Variants in CNMD observed in about 807,000 individuals in gnomAD.
The protein encoded by CNMD is leukocyte cell-derived chemotaxin 1.
Under a neutral mutation model 37.5 loss-of-function variants are expected in CNMD, and 30 were observed. The ratio of observed to expected loss-of-function variants is 0.80; its 90% CI spans 0.60 to 1.09. The LOEUF (loss-of-function observed/expected upper bound fraction) is 1.09. Among genes scored for constraint, CNMD ranks in the 50% least tolerant of loss-of-function variants. The probability of loss-of-function intolerance (pLI) is 0.00; values close to 1 mark genes in which losing one functional copy is unlikely to be tolerated. For missense variants in CNMD, 398 were observed against 423.9 expected (o/e 0.94, Z 0.54); for synonymous variants, 167 against 148.2 (o/e 1.13, Z -0.92).
Position 52,710,841 on chromosome 13 carries a change from G to C in CNMD, c.622+1875C>G, listed in dbSNP as rs117430708. Among the ~76,000 whole-genome samples the C allele has an allele frequency of 1.6e-3, 245 of 152,174 alleles. 1 individual carries two copies. Among genetic ancestry groups the C allele is most frequent in the Non-Finnish European group, 1.7e-3 (116 of 68,012 alleles). ...ACTTAAAATGTGGTCACGCTATTGGGCTGGGAGGGAACAAGCCACATCTTG... is the reference window on the plus strand; with the variant it reads ...ACTTAAAATGTGGTCACGCTATTGGCCTGGGAGGGAACAAGCCACATCTTG... On this transcript the variant is annotated intron_variant, in intron 5 of 6. Coordinates refer to ENST00000377962, the MANE Select transcript of CNMD (RefSeq NM_007015.3).
At chr13:52,712,177 A>T (rs926919091) in intron 5 of CNMD, among the ~76,000 whole-genome samples, 6 of 106,368 alleles carry the variant, frequency 5.6e-5, no homozygotes, top group Middle Eastern at 4.1e-3. Flanking sequence ...GCTCAAAGAT[A>T]TGCTCCAGCC....
At chr13:52,719,935 C>T (rs993916309) in intron 4 of CNMD, among the ~76,000 whole-genome samples, 3 of 152,154 alleles carry the variant, frequency 2.0e-5, no homozygotes, top group Admixed American at 6.5e-5. Flanking sequence ...CAACTTGGTT[C>T]CATTCTCCCT....
chr13:52,717,642 G>C (rs1166058718), intron 4 of CNMD, among the ~76,000 whole-genome samples: 1 of 152,120 alleles, frequency 6.6e-6, no homozygotes, highest in Non-Finnish European at 1.5e-5. Context: ...AATGGATTAT[G>C]TTGATTGATT....
At chr13:52,734,900 T>C (rs957880383) in intron 2 of CNMD, among the ~76,000 whole-genome samples, 1 of 152,202 alleles carries the variant, frequency 6.6e-6, no homozygotes. Context: ...ACTATTTTAT[T>C]ATCAGCAGAG....
intron 4 of CNMD, among the ~76,000 whole-genome samples, chr13:52,719,589 T>A (rs1407695395): frequency 6.6e-6 from 1 of 152,210 alleles, no homozygotes; most frequent in Non-Finnish European, 1.5e-5. Context: ...CTTATGAGGC[T>A]TAGTTTGGCT....
chr13:52,712,102 C>T (rs755520656), intron 5 of CNMD, among the ~76,000 whole-genome samples: 1 of 152,128 alleles, frequency 6.6e-6, no homozygotes, highest in Non-Finnish European at 1.5e-5. Context: ...ACTCAGGGGA[C>T]AGGAGAAACT....
At chr13:52,736,162 T>A (rs1213352190) in intron 2 of CNMD, among the ~76,000 whole-genome samples, 1 of 152,106 alleles carries the variant, frequency 6.6e-6, no homozygotes, top group African/African-American at 2.4e-5. Context: ...CCCAGCTAAT[T>A]TTTTTGTATT....
rs754396086 is a variant in CNMD at position 52,739,640 on chromosome 13, C to G, written c.62G>C (p.Cys21Ser). Residue 21 changes from cysteine to serine, a missense_variant, in exon 1 of 7, where the codon TGC (cysteine) becomes TCC (serine). Transcript: ENST00000377962. The surrounding 1 kb of genome is among the most constrained non-coding windows in gnomAD (Gnocchi z 5.4). The part of the protein sequence containing the change: ...ALVGPDDVEF[C>S]SPPAYATLTV... ...CCTGGCGGTACTCACCGGGGGGCTG[C>G]AGAATTCCACGTCATCAGGTCCCAC... 4.3e-6 allele frequency: 7 copies of G among 1,613,956 alleles called. No homozygotes were observed. In the African/African-American group the frequency reaches 9.3e-5, roughly 22 times the overall value.
chr13:52,704,952 A>G (rs1478998718), intron 6 of CNMD, among the ~76,000 whole-genome samples: 2 of 152,102 alleles, frequency 1.3e-5, no homozygotes, highest in Non-Finnish European at 2.9e-5. Context: ...CCAGCTACTC[A>G]GGAGGCTGAG....
chr13:52,717,994 C>T (rs558961084), intron 4 of CNMD, among the ~76,000 whole-genome samples: 1 of 152,210 alleles, frequency 6.6e-6, no homozygotes, highest in East Asian at 1.9e-4. Context: ...GGTCGGTAGG[C>T]TATTAATTAC....
chr13:52,722,735 A>G (rs1409934516), intron 4 of CNMD, among the ~76,000 whole-genome samples: 1 of 152,234 alleles, frequency 6.6e-6, no homozygotes, highest in African/African-American at 2.4e-5. Context: ...TTCTGTATGC[A>G]ATTCCTAAAG....
chr13:52,739,022 T>C lies in CNMD; in HGVS notation c.213+9A>G. 2.5e-6 allele frequency: 4 copies of C among 1,568,692 alleles called. No individual in the cohort carries two copies. Among genetic ancestry groups the C allele is most frequent in the Non-Finnish European group, 3.4e-6 (4 of 1,162,026 alleles). On this transcript the variant is annotated intron_variant, in intron 2 of 6. Coordinates refer to ENST00000377962, the MANE Select transcript of CNMD (RefSeq NM_007015.3). The surrounding 1 kb of genome is among the most constrained non-coding windows in gnomAD (Gnocchi z 5.4). ...ACGGGGGTCCCCGCGCGCCGCCCTC[T>C]GGACTTACGTGACTGTCGCTCCCCT...
chr13:52,709,963 C>T (rs553651423), intron 5 of CNMD, among the ~76,000 whole-genome samples: 7 of 152,140 alleles, frequency 4.6e-5, no homozygotes, highest in Admixed American at 4.6e-4. Flanking sequence ...ACGAGTGAAA[C>T]TCCATCTCAA....
At chr13:52,713,651 G>A (rs1000501953) in intron 4 of CNMD, among the ~76,000 whole-genome samples, 2 of 152,310 alleles carry the variant, frequency 1.3e-5, no homozygotes, top group South Asian at 2.1e-4. Context: ...TAAAGTTATT[G>A]GAGGAAGCTA....
intron 3 of CNMD, among the ~76,000 whole-genome samples, chr13:52,725,408 T>C (rs955934655): frequency 1.2e-4 from 18 of 151,988 alleles, no homozygotes; most frequent in African/African-American, 4.4e-4. Flanking sequence ...TTTCCTTCTA[T>C]ACCTTACCCA....
chr13:52,707,925 T>G (rs1964214601), intron 6 of CNMD, among the ~76,000 whole-genome samples: 3 of 151,540 alleles, frequency 2.0e-5, no homozygotes, highest in Admixed American at 1.3e-4. Context: ...CTGCCCAACA[T>G]GGTGAAACCC....
At chr13:52,733,117 G>A in intron 3 of CNMD, 102 bp downstream of exon 3, 1 of 1,156,332 alleles carries the variant, frequency 8.6e-7, no homozygotes, top group Non-Finnish European at 1.3e-6. Context: ...ATAAAGAACA[G>A]TTACCATTTG....
At chr13:52,736,977 G>C (rs1472315816) in intron 2 of CNMD, among the ~76,000 whole-genome samples, 2 of 152,090 alleles carry the variant, frequency 1.3e-5, no homozygotes, top group Non-Finnish European at 2.9e-5. Context: ...TATTACTCCA[G>C]TGCTTCATAG....
intron 6 of CNMD, among the ~76,000 whole-genome samples, chr13:52,707,589 T>C (rs1964206336): frequency 6.6e-6 from 1 of 152,030 alleles, no homozygotes; most frequent in Non-Finnish European, 1.5e-5. Flanking sequence ...AAAGTGGATA[T>C]AAAGGGGGAA....
Sources: gnomAD v4.1 joint callset for allele counts (sites outside exome capture counted in the v4.1 genomes callset) on GRCh38, gnomAD v4.1.1 for gene constraint, Gnocchi (gnomAD v3.1) non-coding constraint, MANE v1.5 for transcripts, NCBI Gene and HGNC (gene_info 2026-07-23, HGNC 2026-07-21) for gene names.